The following ANKS1B variants were observed in gnomAD, a reference collection of about 807,000 sequenced individuals.
ANKS1B encodes ankyrin repeat and sterile alpha motif domain containing 1B.
In ANKS1B, 36 loss-of-function variants were observed where a neutral mutation model predicts 148.3. The observed-to-expected ratio is 0.24, with a 90% CI of 0.19 to 0.32. ANKS1B has a LOEUF of 0.32. ANKS1B is among the 10% of genes least tolerant of loss of function. The pLI, the probability that ANKS1B is intolerant of heterozygous loss-of-function variation, is 1.00. For missense variants in ANKS1B, 1,157 were observed against 1,542.6 expected, an observed-to-expected ratio of 0.75 and a Z score of 4.19; for synonymous variants, 542 against 560.8, an observed-to-expected ratio of 0.97 and a Z score of 0.47.
At position 99,039,856 on chromosome 12, in the gene ANKS1B, G is replaced by A. The variant is rs1311916810; in HGVS notation, c.2778+13301C>T. Among the ~76,000 whole-genome samples, 24 of 152,108 alleles carry A rather than the reference G, an allele frequency of 1.6e-4. 1 individual carries two copies. Among genetic ancestry groups the A allele is most frequent in the Admixed American group, 1.6e-3 (24 of 15,272 alleles). ...CCTTTTCCCCTTCTCTATATTCAAAGCACCAAATCCTGCCCTTCTAGGTGA... is the reference window on the plus strand; with the variant it reads ...CCTTTTCCCCTTCTCTATATTCAAAACACCAAATCCTGCCCTTCTAGGTGA... On this transcript the variant is annotated intron_variant, in intron 17 of 26. Coordinates refer to ENST00000683438, the MANE Select transcript of ANKS1B (RefSeq NM_001352186.2).
intron 9 of ANKS1B, among the ~76,000 whole-genome samples, chr12:99,632,727 C>CTAGATATATATATATATATATATA (rs1419756181): frequency 7.7e-5 from 3 of 39,044 alleles, no homozygotes; most frequent in South Asian, 9.1e-4. Context: ...CCTTTTCTTT[C>CTAGATATATATATATATATATATA]TATATATATA....
intron 1 of ANKS1B, among the ~76,000 whole-genome samples, chr12:99,866,970 C>A (rs1303776307): frequency 6.6e-6 from 1 of 152,092 alleles, no homozygotes; most frequent in Non-Finnish European, 1.5e-5. Flanking sequence ...CTGTGTATGT[C>A]CGGTAATCCC....
At chr12:99,145,572 G>T (rs1464381184) in intron 15 of ANKS1B, among the ~76,000 whole-genome samples, 1 of 152,084 alleles carries the variant, frequency 6.6e-6, no homozygotes, top group Non-Finnish European at 1.5e-5. Context: ...GAGCATTCTG[G>T]TCTGGTTAAA....
intron 22 of ANKS1B, among the ~76,000 whole-genome samples, chr12:98,791,046 G>C (rs2098844211): frequency 6.6e-6 from 1 of 152,152 alleles, no homozygotes; most frequent in Non-Finnish European, 1.5e-5. Flanking sequence ...AGGCCCGTAA[G>C]AAAACATTCA....
intron 8 of ANKS1B, among the ~76,000 whole-genome samples, chr12:99,661,678 C>A (rs2153454261): frequency 6.6e-6 from 1 of 152,320 alleles, no homozygotes; most frequent in African/African-American, 2.4e-5. Context: ...TATTAGTCAT[C>A]TCCCAATATA....
At chr12:99,785,636 T>C (rs975511805) in intron 4 of ANKS1B, among the ~76,000 whole-genome samples, 1 of 152,128 alleles carries the variant, frequency 6.6e-6, no homozygotes, top group African/African-American at 2.4e-5. Context: ...TTTCACCATG[T>C]TGACCAGGCT....
chr12:99,831,284 A>G (rs1603208841), intron 1 of ANKS1B, among the ~76,000 whole-genome samples: 1 of 151,560 alleles, frequency 6.6e-6, no homozygotes, highest in African/African-American at 2.4e-5. Flanking sequence ...TCAAATTGGG[A>G]AAAAAGTCAA....
In ANKS1B at chr12:98,848,743, G is replaced by GTTTTTTTTTTTTTTTTTTTTT. The variant is rs10695483; in HGVS notation, c.2779-16608_2779-16607insAAAAAAAAAAAAAAAAAAAAA. On this transcript the variant is annotated intron_variant, in intron 17 of 26. Coordinates refer to ENST00000683438, the MANE Select transcript of ANKS1B (RefSeq NM_001352186.2). ...CTGGATTAATTTCTGTGTATGTGTG[G>GTTTTTTTTTTTTTTTTTTTTT]TTTTTTTTTTTTTGAGACGGAGTCT... Among the ~76,000 whole-genome samples, 11 of 48,090 alleles carry GTTTTTTTTTTTTTTTTTTTTT rather than the reference G, an allele frequency of 2.3e-4. 3 individuals are homozygous for GTTTTTTTTTTTTTTTTTTTTT. The highest frequency in any genetic ancestry group is 2.8e-4 in the Non-Finnish European group (8 of 28,340). 31.5% of individuals were successfully genotyped at this position (48,090 alleles called of 152,430 possible).
At chr12:99,448,559 T>C (rs1283179716) in intron 10 of ANKS1B, among the ~76,000 whole-genome samples, 1 of 152,078 alleles carries the variant, frequency 6.6e-6, no homozygotes, top group African/African-American at 2.4e-5. Flanking sequence ...AAAGAGTAGA[T>C]CTTAAGAGTT....
intron 1 of ANKS1B, among the ~76,000 whole-genome samples, chr12:99,943,625 G>A (rs1002492232): frequency 1.3e-5 from 2 of 151,976 alleles, no homozygotes; most frequent in East Asian, 3.9e-4. Context: ...ACCAGATCTC[G>A]TGAGACTTAC....
intron 9 of ANKS1B, among the ~76,000 whole-genome samples, chr12:99,652,801 T>TA (rs2098429547): frequency 6.6e-6 from 1 of 151,660 alleles, no homozygotes; most frequent in Non-Finnish European, 1.5e-5. Context: ...AACAAAAGGA[T>TA]AAAAACGAGA....
intron 15 of ANKS1B, among the ~76,000 whole-genome samples, chr12:99,094,095 G>GTT (rs1364602884): frequency 6.6e-6 from 1 of 152,180 alleles, no homozygotes; most frequent in African/African-American, 2.4e-5. Flanking sequence ...GTCAGCATTT[G>GTT]TTTGTTCAAT....
chr12:99,616,993 A>G (rs898782388), intron 9 of ANKS1B, among the ~76,000 whole-genome samples: 1 of 152,246 alleles, frequency 6.6e-6, no homozygotes, highest in African/African-American at 2.4e-5. Context: ...ATAGGAAAAG[A>G]TACTTCTCAA....
intron 22 of ANKS1B, among the ~76,000 whole-genome samples, chr12:98,798,692 A>G (rs2098973956): frequency 6.6e-6 from 1 of 152,222 alleles, no homozygotes; most frequent in African/African-American, 2.4e-5. Flanking sequence ...TTAATTTTAA[A>G]TCTTTAAAAA....
At chr12:99,652,166 A>T (rs567222586) in intron 9 of ANKS1B, among the ~76,000 whole-genome samples, 5 of 152,154 alleles carry the variant, frequency 3.3e-5, no homozygotes, top group African/African-American at 1.2e-4. Context: ...ACACACACAC[A>T]CATTCTTAAG....
chr12:99,199,348 T>C (rs946665521), intron 14 of ANKS1B, among the ~76,000 whole-genome samples: 2 of 152,198 alleles, frequency 1.3e-5, no homozygotes, highest in Non-Finnish European at 2.9e-5. Flanking sequence ...CTATAAACTA[T>C]TTCCTGTGTT....
intron 9 of ANKS1B, among the ~76,000 whole-genome samples, chr12:99,577,427 G>A (rs1461131568): frequency 6.6e-6 from 1 of 151,060 alleles, no homozygotes; most frequent in Non-Finnish European, 1.5e-5. Context: ...CCATACTAAA[G>A]ATCAACAAGA....
chr12:99,265,555 A>G (rs145123042), intron 12 of ANKS1B, among the ~76,000 whole-genome samples: 160 of 152,286 alleles, frequency 1.1e-3, no homozygotes, highest in African/African-American at 3.6e-3. Flanking sequence ...TTAGGAGAGG[A>G]TCAGAACTAA....
chr12:98,980,258 T>C (rs777240750), intron 17 of ANKS1B, among the ~76,000 whole-genome samples: 9 of 152,214 alleles, frequency 5.9e-5, no homozygotes, highest in Non-Finnish European at 7.4e-5. Context: ...TGGAGTGCAG[T>C]GGCGCAATCT....
Sources: gnomAD v4.1 joint callset for allele counts (sites outside exome capture counted in the v4.1 genomes callset) on GRCh38, gnomAD v4.1.1 for gene constraint, MANE v1.5 for transcripts, NCBI Gene and HGNC (gene_info 2026-07-23, HGNC 2026-07-21) for gene names.